Variants in CADPS observed in about 807,000 individuals in gnomAD.
CADPS encodes calcium-dependent secretion activator 1.
Under a neutral mutation model 167.3 loss-of-function variants are expected in CADPS, and 57 were observed. That is an observed-to-expected ratio of 0.34 (90% CI 0.28 to 0.42). CADPS has a LOEUF of 0.42. Among genes scored for constraint, CADPS ranks in the 20% least tolerant of loss-of-function variants. The pLI is 1.00. For synonymous variants in CADPS, 676 were observed against 635.3 expected, an observed-to-expected ratio of 1.06 and a Z score of -0.96; for missense variants, 1,414 against 1,738.1, an observed-to-expected ratio of 0.81 and a Z score of 3.32.
intron 28 of CADPS, among the ~76,000 whole-genome samples, chr3:62,414,433 G>A (rs1256635964): frequency 3.3e-5 from 5 of 152,182 alleles, no homozygotes; most frequent in Admixed American, 3.3e-4. Context: ...TGCAAGGCAG[G>A]CAAAGCTTTT....
intron 9 of CADPS, among the ~76,000 whole-genome samples, chr3:62,560,806 CG>C: frequency 6.6e-6 from 1 of 152,068 alleles, no homozygotes; most frequent in Non-Finnish European, 1.5e-5. Context: ...GTGGGCTGGG[CG>C]CAGTGGCTTA....
intron 1 of CADPS, among the ~76,000 whole-genome samples, chr3:62,813,673 A>G (rs2094485902): frequency 1.3e-5 from 2 of 152,156 alleles, no homozygotes; most frequent in South Asian, 4.1e-4. Context: ...CAAACAACCT[A>G]CAGAATAAGA....
At position 62,570,744 on chromosome 3, in the gene CADPS, T is replaced by C. The variant is rs907491438; in HGVS notation, c.1644+128A>G. The C allele has an allele frequency of 2.0e-5, 14 of 706,606 alleles. No homozygotes were observed. The Admixed American group carries it at 3.0e-4, about 15-fold the overall frequency. The allele number at this position is 706,606 out of a possible 1,614,324, so 43.8% of individuals were successfully genotyped here. The stretch of plus-strand genomic sequence containing the variant: ...CCTCTGAATGGTGGTTACATGGATA[T>C]ATGTAAAAATTCATTAAGCTAAATG... On this transcript the variant is annotated intron_variant, in intron 9 of 29. Transcript: ENST00000383710.
intron 3 of CADPS, among the ~76,000 whole-genome samples, chr3:62,673,986 C>T (rs1487710287): frequency 6.6e-6 from 1 of 152,116 alleles, no homozygotes; most frequent in Non-Finnish European, 1.5e-5. Context: ...AATGCTTTTG[C>T]TAAAAAATAC....
In CADPS at chr3:62,874,537, C is replaced by A. The variant is rs565529586; in HGVS notation, c.441+52G>T. The stretch of plus-strand genomic sequence containing the variant: ...CCGCCAGCTCCCATTGTTCACCCCG[C>A]CCGCCTGGCGACGTCCGGGTGCTGC... On this transcript the variant is annotated intron_variant, in intron 1 of 29. Coordinates refer to ENST00000383710, the MANE Select transcript of CADPS (RefSeq NM_003716.4). The surrounding 1 kb of genome is among the most constrained non-coding windows in gnomAD (Gnocchi z 7.1). 10 of 1,407,858 alleles carry A rather than the reference C, an allele frequency of 7.1e-6. No individual in the cohort carries two copies. The East Asian group carries it at 7.7e-5, about 11-fold the overall frequency. The allele number at this position is 1,407,858 out of a possible 1,614,324, so 87.2% of individuals were successfully genotyped here.
rs1244628276 is a variant in CADPS at position 62,439,079 on chromosome 3, A to G, written c.3670-868T>C. On this transcript the variant is annotated intron_variant, in intron 27 of 29. Transcript: ENST00000383710. ...GTTATCTCCAAAGAAACCTATTAAA[A>G]CACTGTAATATAGGTCATTAGGAGA... 2.6e-5 allele frequency: 4 copies of G among 152,092 alleles called. No individual in the cohort carries two copies. The East Asian group carries it at 5.8e-4, about 22-fold the overall frequency. 9.4% of individuals were successfully genotyped at this position (152,092 alleles called of 1,614,324 possible).
At chr3:62,727,647 A>ATAATTCCTAAT in intron 3 of CADPS, among the ~76,000 whole-genome samples, 1 of 151,882 alleles carries the variant, frequency 6.6e-6, no homozygotes, top group Admixed American at 6.5e-5. Flanking sequence ...TTATTTTGCA[A>ATAATTCCTAAT]ACAATAATAC....
intron 1 of CADPS, among the ~76,000 whole-genome samples, chr3:62,827,027 C>T (rs1290821575): frequency 6.6e-6 from 1 of 152,108 alleles, no homozygotes; most frequent in African/African-American, 2.4e-5. Context: ...TGTTAACTGC[C>T]TGTTAATGGT....
chr3:62,431,581 AACTCCTCC>A (rs2053961275), intron 28 of CADPS, among the ~76,000 whole-genome samples: 1 of 151,730 alleles, frequency 6.6e-6, no homozygotes, highest in African/African-American at 2.4e-5. Flanking sequence ...GATAGTAATA[AACTCCTCC>A]AGTCTGCAGA....
chr3:62,443,294 T>A (rs2056666753), intron 27 of CADPS, among the ~76,000 whole-genome samples: 1 of 152,238 alleles, frequency 6.6e-6, no homozygotes, highest in Admixed American at 6.5e-5. Flanking sequence ...TAAACTGTTC[T>A]AGTGAGTACT....
At chr3:62,642,677 C>A (rs768498875) in intron 6 of CADPS, among the ~76,000 whole-genome samples, 6 of 152,034 alleles carry the variant, frequency 3.9e-5, no homozygotes, top group African/African-American at 1.4e-4. Flanking sequence ...GAGGATGAGG[C>A]GGGGGCAGGT....
At chr3:62,707,253 T>C (rs55910431) in intron 3 of CADPS, among the ~76,000 whole-genome samples, 57,903 of 151,868 alleles carry the variant, frequency 0.38, 12,663 homozygotes, top group East Asian at 0.74. Context: ...ATCTCCATTG[T>C]ATGCTCCTTA....
intron 11 of CADPS, among the ~76,000 whole-genome samples, chr3:62,540,000 G>A (rs966708845): frequency 4.6e-5 from 7 of 152,242 alleles, no homozygotes; most frequent in Non-Finnish European, 2.9e-5. Context: ...ACTGTTGAGA[G>A]GATCTGAAGA....
chr3:62,421,765 T>A lies in CADPS; in HGVS notation c.3777+16339A>T, dbSNP rs144237945. Among the ~76,000 whole-genome samples, 1 of 152,104 alleles carries A rather than the reference T, an allele frequency of 6.6e-6. No individual in the cohort carries two copies. Among genetic ancestry groups the A allele is most frequent in the African/African-American group, 2.4e-5 (1 of 41,426 alleles). ...TGTGAGGCTGGAGACGCATTTGGAGTTCTTTCCTAGGGATGGAGGGATGCC... is the reference window on the plus strand; with the variant it reads ...TGTGAGGCTGGAGACGCATTTGGAGATCTTTCCTAGGGATGGAGGGATGCC... On this transcript the variant is annotated intron_variant, in intron 28 of 29. Coordinates refer to ENST00000383710, the MANE Select transcript of CADPS (RefSeq NM_003716.4). The surrounding 1 kb of genome is among the most constrained non-coding windows in gnomAD (Gnocchi z 4.7).
intron 9 of CADPS, among the ~76,000 whole-genome samples, chr3:62,565,234 G>T (rs1244430007): frequency 6.6e-6 from 1 of 152,098 alleles, no homozygotes; most frequent in Admixed American, 6.5e-5. Flanking sequence ...TCTGGGTTAG[G>T]GTTTGCAGCC....
chr3:62,573,784 A>G (rs1199856949), intron 8 of CADPS, among the ~76,000 whole-genome samples: 1 of 152,012 alleles, frequency 6.6e-6, no homozygotes, highest in Non-Finnish European at 1.5e-5. Flanking sequence ...GCTTTAATTT[A>G]TTTGTGGTTA....
intron 1 of CADPS, among the ~76,000 whole-genome samples, chr3:62,855,716 T>C (rs73844673): frequency 0.046 from 7,019 of 152,242 alleles, 184 homozygotes; most frequent in East Asian, 0.091. Context: ...TTTGGGGGTA[T>C]AGGATTTCAA....
At position 62,428,329 on chromosome 3, in the gene CADPS, T is replaced by TTA. The variant is rs1491039524; in HGVS notation, c.3777+9774_3777+9775insTA. 1.2e-4 allele frequency among the ~76,000 whole-genome samples: 14 copies of TTA among 116,166 alleles called. No homozygotes were observed. In the East Asian group the frequency reaches 3.2e-3, roughly 27 times the overall value. The allele number at this position is 116,166 out of a possible 152,430, so 76.2% of individuals were successfully genotyped here. ...TTTTTTTTTTTTTTTTTTTTTTTTT[T>TTA]AAATTGAGGTCCGGGTGGAACTATA... On this transcript the variant is annotated intron_variant, in intron 28 of 29. Transcript: ENST00000383710.
At chr3:62,556,605 G>T (rs2078185133) in intron 10 of CADPS, among the ~76,000 whole-genome samples, 2 of 151,990 alleles carry the variant, frequency 1.3e-5, no homozygotes, top group African/African-American at 4.8e-5. Flanking sequence ...GGTGCTTGTT[G>T]TTCATTAATA....
Sources: gnomAD v4.1 joint callset for allele counts (sites outside exome capture counted in the v4.1 genomes callset) on GRCh38, gnomAD v4.1.1 for gene constraint, Gnocchi (gnomAD v3.1) non-coding constraint, MANE v1.5 for transcripts, NCBI Gene and HGNC (gene_info 2026-07-23, HGNC 2026-07-21) for gene names.